The following RORB variants were observed in gnomAD, a reference collection of about 807,000 sequenced individuals.
RORB encodes the protein nuclear receptor ROR-beta.
Under a neutral mutation model 59.1 loss-of-function variants are expected in RORB, and 6 were observed. The observed-to-expected ratio is 0.10, with a 90% confidence interval of 0.06 to 0.20. The LOEUF (loss-of-function observed/expected upper bound fraction) is 0.20, where lower values mean the gene tolerates loss of function less well. Ranked by LOEUF, RORB falls within the 10% of genes least tolerant of loss-of-function variation. The probability of loss-of-function intolerance (pLI) is 1.00; values close to 1 mark genes in which losing one functional copy is unlikely to be tolerated. For missense variants in RORB, 320 were observed against 560.5 expected (o/e 0.57, Z 4.33); for synonymous variants, 215 against 204.5 (o/e 1.05, Z -0.44).
chr9:74,598,498 AT>A (rs1823007573), intron 1 of RORB, among the ~76,000 whole-genome samples: 1 of 152,196 alleles, frequency 6.6e-6, no homozygotes, highest in Non-Finnish European at 1.5e-5. Flanking sequence ...TTTTTTTTAA[AT>A]TATATATTGA....
intron 6 of RORB, among the ~76,000 whole-genome samples, chr9:74,664,365 A>G (rs1403931244): frequency 1.3e-5 from 2 of 152,226 alleles, no homozygotes; most frequent in South Asian, 2.1e-4. Context: ...CAACTGAACC[A>G]TATAATCTTT....
At chr9:74,610,019 T>C (rs1033103916) in intron 1 of RORB, among the ~76,000 whole-genome samples, 1 of 152,234 alleles carries the variant, frequency 6.6e-6, no homozygotes, top group Non-Finnish European at 1.5e-5. Context: ...CCTTTTGGCA[T>C]TTCTCTGTAC....
At chr9:74,582,780 C>A (rs1822743364) in intron 1 of RORB, among the ~76,000 whole-genome samples, 1 of 152,138 alleles carries the variant, frequency 6.6e-6, no homozygotes, top group Admixed American at 6.5e-5. Context: ...ATTATCTACC[C>A]AAGCCTCAGA....
intron 7 of RORB, 95 bp from the exon 8 acceptor site, chr9:74,667,696 C>A: frequency 1.3e-6 from 1 of 753,490 alleles, no homozygotes; most frequent in East Asian, 2.5e-5. Flanking sequence ...CTAGTATGCA[C>A]CTCCTTGGAT....
At chr9:74,538,328 C>A (rs949080370) in intron 1 of RORB, among the ~76,000 whole-genome samples, 1 of 151,870 alleles carries the variant, frequency 6.6e-6, no homozygotes, top group African/African-American at 2.4e-5. Flanking sequence ...CTCAAGAAGC[C>A]CTCTTGGATG....
At chr9:74,580,954 T>C (rs1353010019) in intron 1 of RORB, among the ~76,000 whole-genome samples, 1 of 152,170 alleles carries the variant, frequency 6.6e-6, no homozygotes, top group Non-Finnish European at 1.5e-5. Context: ...CAGACGTGAA[T>C]GAAGTTTTGC....
intron 1 of RORB, among the ~76,000 whole-genome samples, chr9:74,586,428 A>C (rs1263989850): frequency 6.6e-6 from 1 of 152,082 alleles, no homozygotes; most frequent in African/African-American, 2.4e-5. Context: ...AGCCTGGGAC[A>C]TGGAGGTTGC....
chr9:74,670,230 C>A (rs1235959563), intron 8 of RORB, among the ~76,000 whole-genome samples: 1 of 152,116 alleles, frequency 6.6e-6, no homozygotes, highest in Non-Finnish European at 1.5e-5. Flanking sequence ...GAGAATAGTT[C>A]AATAGAAAAC....
chr9:74,655,594 C>A (rs1587408675), intron 4 of RORB, among the ~76,000 whole-genome samples: 2 of 152,136 alleles, frequency 1.3e-5, no homozygotes, highest in African/African-American at 4.8e-5. Flanking sequence ...TTTACTATTA[C>A]CTTTTCTACT....
At chr9:74,591,289 G>A (rs1822887978) in intron 1 of RORB, among the ~76,000 whole-genome samples, 1 of 152,170 alleles carries the variant, frequency 6.6e-6, no homozygotes, top group South Asian at 2.1e-4. Flanking sequence ...CCCCAATCTA[G>A]AATTGGGACC....
intron 9 of RORB, among the ~76,000 whole-genome samples, chr9:74,682,913 C>G (rs984998327): frequency 1.3e-5 from 2 of 152,128 alleles, no homozygotes; most frequent in African/African-American, 4.8e-5. Flanking sequence ...TTCTGAAAAC[C>G]AGTTGTAAAT....
At chr9:74,651,916 A>G (rs1823999647) in intron 4 of RORB, among the ~76,000 whole-genome samples, 1 of 152,238 alleles carries the variant, frequency 6.6e-6, no homozygotes, top group African/African-American at 2.4e-5. Flanking sequence ...GTAATTTCCA[A>G]AAAATTAGAC....
chr9:74,683,378 A>G (rs34792972), intron 9 of RORB, among the ~76,000 whole-genome samples: 18 of 152,188 alleles, frequency 1.2e-4, no homozygotes, highest in Non-Finnish European at 2.5e-4. Flanking sequence ...ATGAAAATAT[A>G]GAAAAGACAC....
At position 74,497,776 on chromosome 9, in the gene RORB, A is replaced by C; in HGVS notation, c.-201A>C. On this transcript the variant is annotated 5_prime_UTR_variant, in exon 1 of 10. Coordinates refer to ENST00000376896, the MANE Select transcript of RORB (RefSeq NM_006914.4). ...ACAATCATCAAAACAGTCACCACCA[A>C]CATCAAAACTGTTAACATAGCGGCG... 1 of 574,564 alleles carries C rather than the reference A, an allele frequency of 1.7e-6. No homozygotes were observed. Among genetic ancestry groups the C allele is most frequent in the South Asian group, 2.3e-5 (1 of 42,936 alleles). 35.6% of individuals were successfully genotyped at this position (574,564 alleles called of 1,614,324 possible). A position where few individuals can be genotyped will look rare whatever the true frequency, so the allele number is the denominator to read the frequency against.
chr9:74,519,369 T>G (rs1826052851), intron 1 of RORB, among the ~76,000 whole-genome samples: 1 of 151,976 alleles, frequency 6.6e-6, no homozygotes, highest in South Asian at 2.1e-4. Flanking sequence ...CTTTAGCCTT[T>G]CCTTCAAGTA....
chr9:74,667,733 A>T, intron 7 of RORB, 58 bp from the exon 8 acceptor site: 2 of 1,021,480 alleles, frequency 2.0e-6, no homozygotes, highest in Non-Finnish European at 3.1e-6. Context: ...GATTTTTCTT[A>T]CTCTTGCCCC....
chr9:74,641,420 G>A (rs2118458726), intron 3 of RORB, among the ~76,000 whole-genome samples: 1 of 152,340 alleles, frequency 6.6e-6, no homozygotes, highest in East Asian at 1.9e-4. Context: ...AAACTTGGGA[G>A]TGGTAGAATG....
chr9:74,518,065 C>G (rs1284156019), intron 1 of RORB, among the ~76,000 whole-genome samples: 3 of 151,936 alleles, frequency 2.0e-5, no homozygotes, highest in African/African-American at 7.2e-5. Flanking sequence ...TCTGCCCTCC[C>G]CATTACAGAC....
chr9:74,559,767 A>T (rs1463464886), intron 1 of RORB, among the ~76,000 whole-genome samples: 1 of 152,160 alleles, frequency 6.6e-6, no homozygotes, highest in Non-Finnish European at 1.5e-5. Flanking sequence ...TGAAATATTC[A>T]TAACCTTCTC....
Sources: gnomAD v4.1 joint callset for allele counts (sites outside exome capture counted in the v4.1 genomes callset) on GRCh38, gnomAD v4.1.1 for gene constraint, MANE v1.5 for transcripts, NCBI Gene and HGNC (gene_info 2026-07-23, HGNC 2026-07-21) for gene names.